Variants in PTGER4 observed in about 807,000 individuals in gnomAD.
PTGER4 encodes prostaglandin E2 receptor EP4 subtype.
Under a neutral mutation model 33.2 loss-of-function variants are expected in PTGER4, and 11 were observed. The ratio of observed to expected loss-of-function variants is 0.33; its 90% CI spans 0.21 to 0.55. PTGER4 has a LOEUF of 0.55. Ranked by LOEUF, PTGER4 falls within the 20% of genes least tolerant of loss-of-function variation. PTGER4 has a pLI of 0.92. For missense variants in PTGER4, 481 were observed against 650.2 expected (o/e 0.74, Z 2.83); for synonymous variants, 275 against 281.5 (o/e 0.98, Z 0.23).
At chr5:40,742,637 G>A in the PTGER4 span, among the ~76,000 whole-genome samples, 3 of 152,116 alleles carry the variant, frequency 2.0e-5, no homozygotes, top group African/African-American at 7.2e-5. Context: ...AGGGGAATGG[G>A]AAGAGTAAGG....
Position 40,693,054 on chromosome 5 carries a change from A to G in PTGER4, c.*676A>G. ...TAAGAGAAAGAATTTAGTATTATCA[A>G]AGGGATAAAGAAAAAAATACTATTT... On this transcript the variant is annotated 3_prime_UTR_variant, in exon 3 of 3. Coordinates refer to ENST00000302472, the MANE Select transcript of PTGER4 (RefSeq NM_000958.3). 1.1e-6 allele frequency: 1 copy of G among 909,448 alleles called. No individual in the cohort carries two copies. The highest frequency in any genetic ancestry group is 1.3e-6 in the Non-Finnish European group (1 of 760,574). 56.3% of individuals were successfully genotyped at this position (909,448 alleles called of 1,614,324 possible).
chr5:40,729,872 T>C, the PTGER4 span, among the ~76,000 whole-genome samples: 47,874 of 151,926 alleles, frequency 0.32, 7,954 homozygotes, highest in East Asian at 0.56. Context: ...CTAATATTTG[T>C]ATTTTTAGTA....
intron 2 of PTGER4, among the ~76,000 whole-genome samples, chr5:40,685,027 T>A (rs1247648091): frequency 6.6e-6 from 1 of 152,210 alleles, no homozygotes; most frequent in African/African-American, 2.4e-5. Flanking sequence ...TAATGAATAT[T>A]AAGATGATTA....
chr5:40,720,760 A>G, the PTGER4 span, among the ~76,000 whole-genome samples: 1 of 152,202 alleles, frequency 6.6e-6, no homozygotes, highest in Non-Finnish European at 1.5e-5. Flanking sequence ...CATCAAAGCC[A>G]GAAGGGAGAT....
chr5:40,714,743 TA>T, the PTGER4 span: 1 of 152,240 alleles, frequency 6.6e-6, no homozygotes, highest in Non-Finnish European at 1.5e-5. Flanking sequence ...TGAAAAGAGA[TA>T]TGCATTCCAA....
chr5:40,693,945 C>T (rs1741531637), downstream of PTGER4, among the ~76,000 whole-genome samples: 1 of 152,030 alleles, frequency 6.6e-6, no homozygotes, highest in African/African-American at 2.4e-5. Context: ...ATGGAGGAGA[C>T]AGTATTATGC....
the PTGER4 span, among the ~76,000 whole-genome samples, chr5:40,721,331 C>T: frequency 4.6e-3 from 700 of 152,190 alleles, 5 homozygotes; most frequent in African/African-American, 0.016. Flanking sequence ...AAACTAGGGG[C>T]ATCATACTCA....
chr5:40,697,100 A>G (rs367660347), downstream of PTGER4, among the ~76,000 whole-genome samples: 39,241 of 88,800 alleles, frequency 0.44, 6,928 homozygotes, highest in Admixed American at 0.55. Context: ...GAAAGAGAAA[A>G]GAAAGAAAGG....
At position 40,692,947 on chromosome 5, in the gene PTGER4, T is replaced by G. The variant is rs920024505; in HGVS notation, c.*569T>G. On this transcript the variant is annotated 3_prime_UTR_variant, in exon 3 of 3. Coordinates refer to ENST00000302472, the MANE Select transcript of PTGER4 (RefSeq NM_000958.3). The stretch of plus-strand genomic sequence containing the variant: ...GTATAACCAGCTGAAGTTGCAGATG[T>G]TAGATATTTTTCATAAACAAGTTCG... 1 of 967,050 alleles carries G rather than the reference T, an allele frequency of 1.0e-6. No homozygotes were observed. The highest frequency in any genetic ancestry group is 4.8e-5 in the South Asian group (1 of 20,886). The allele number at this position is 967,050 out of a possible 1,614,324, so 59.9% of individuals were successfully genotyped here. A position where few individuals can be genotyped will look rare whatever the true frequency, so the allele number is the denominator to read the frequency against.
chr5:40,691,920 C>G lies in PTGER4; in HGVS notation c.1009C>G (p.Leu337Val). ...WIYILLRKTV[L>V]SKAIEKIKCL... ...ATATATCCTCCTGAGAAAGACAGTG[C>G]TCAGTAAAGCAATAGAGAAGATCAA... is the stretch of plus-strand genomic sequence containing the variant. The change falls in exon 3 of 3, where the codon CTC (leucine) becomes GTC (valine). Residue 337 changes from leucine to valine, a missense_variant. Coordinates refer to ENST00000302472, the MANE Select transcript of PTGER4 (RefSeq NM_000958.3). The surrounding 1 kb of genome is among the most constrained non-coding windows in gnomAD (Gnocchi z 4.2). 3 of 1,614,252 alleles carry G rather than the reference C, an allele frequency of 1.9e-6. No individual in the cohort carries two copies. Among genetic ancestry groups the G allele is most frequent in the Non-Finnish European group, 2.5e-6 (3 of 1,180,050 alleles).
At chr5:40,744,583 T>A in the PTGER4 span, among the ~76,000 whole-genome samples, 1 of 151,160 alleles carries the variant, frequency 6.6e-6, no homozygotes, top group South Asian at 2.1e-4. Flanking sequence ...CAACACCACA[T>A]GGAAGATACC....
chr5:40,697,985 C>G (rs1044004824), downstream of PTGER4, among the ~76,000 whole-genome samples: 5 of 146,910 alleles, frequency 3.4e-5, no homozygotes, highest in Non-Finnish European at 7.4e-5. Context: ...AACTAGAGAC[C>G]ATTGTCCTAA....
At chr5:40,729,767 C>T in the PTGER4 span, among the ~76,000 whole-genome samples, 29 of 152,134 alleles carry the variant, frequency 1.9e-4, no homozygotes, top group African/African-American at 6.8e-4. Context: ...GGCACTATCT[C>T]AGCTCACTGC....
At chr5:40,682,361 G>T (rs1454161817) in intron 2 of PTGER4, among the ~76,000 whole-genome samples, 1 of 152,088 alleles carries the variant, frequency 6.6e-6, no homozygotes, top group Admixed American at 6.6e-5. Context: ...TTCTTCCCCC[G>T]TGGATTGCGT....
At chr5:40,745,449 C>G in the PTGER4 span, among the ~76,000 whole-genome samples, 1 of 151,908 alleles carries the variant, frequency 6.6e-6, no homozygotes, top group Non-Finnish European at 1.5e-5. Context: ...TATGTGTATG[C>G]ATGTGTAGAA....
intron 2 of PTGER4, among the ~76,000 whole-genome samples, chr5:40,684,426 T>C (rs916459131): frequency 6.6e-6 from 1 of 152,138 alleles, no homozygotes; most frequent in African/African-American, 2.4e-5. Context: ...TGTAGTTTAC[T>C]TGGAATTTCA....
At chr5:40,711,383 C>T in the PTGER4 span, among the ~76,000 whole-genome samples, 1 of 152,050 alleles carries the variant, frequency 6.6e-6, no homozygotes, top group South Asian at 2.1e-4. Flanking sequence ...CTGACAATAT[C>T]AATCATTGAC....
At chr5:40,685,745 A>C (rs6869759) in intron 2 of PTGER4, among the ~76,000 whole-genome samples, 2,482 of 152,290 alleles carry the variant, frequency 0.016, 67 homozygotes, top group African/African-American at 0.057. Context: ...CCAAGCTGCA[A>C]ATGAAGAATT....
chr5:40,727,739 C>T, the PTGER4 span, among the ~76,000 whole-genome samples: 1 of 152,068 alleles, frequency 6.6e-6, no homozygotes, highest in African/African-American at 2.4e-5. Context: ...CAAAAAGTTG[C>T]CTATTGTCTA....
Sources: gnomAD v4.1 joint callset for allele counts (sites outside exome capture counted in the v4.1 genomes callset) on GRCh38, gnomAD v4.1.1 for gene constraint, Gnocchi (gnomAD v3.1) non-coding constraint, MANE v1.5 for transcripts, NCBI Gene and HGNC (gene_info 2026-07-23, HGNC 2026-07-21) for gene names.